The following ABCC5 variants were observed in gnomAD, a reference collection of about 807,000 sequenced individuals.
The protein encoded by ABCC5 is ATP-binding cassette sub-family C member 5.
In ABCC5, 61 loss-of-function variants were observed where a neutral mutation model predicts 160.9. The observed-to-expected ratio is 0.38, with a 90% CI of 0.31 to 0.47. The LOEUF (loss-of-function observed/expected upper bound fraction) is 0.47. ABCC5 is among the 20% of genes least tolerant of loss of function. ABCC5 has a pLI of 0.99. For synonymous variants in ABCC5, 666 were observed against 700.6 expected, an observed-to-expected ratio of 0.95 and a Z score of 0.78; for missense variants, 1,308 against 1,813.3, an observed-to-expected ratio of 0.72 and a Z score of 5.06.
At chr3:183,945,492 C>A (rs1714754029) in intron 24 of ABCC5, among the ~76,000 whole-genome samples, 1 of 152,122 alleles carries the variant, frequency 6.6e-6, no homozygotes, top group African/African-American at 2.4e-5. Flanking sequence ...AGCAGGGGGT[C>A]CTGATGGCCA....
chr3:184,010,993 C>A (rs1240953726), intron 2 of ABCC5, among the ~76,000 whole-genome samples: 2 of 151,968 alleles, frequency 1.3e-5, no homozygotes, highest in South Asian at 4.1e-4. Flanking sequence ...CCACCAGCCT[C>A]GGCCTCCCAA....
intron 17 of ABCC5, among the ~76,000 whole-genome samples, chr3:183,958,505 GGTGT>G (rs1412118501): frequency 6.6e-6 from 1 of 151,764 alleles, no homozygotes; most frequent in East Asian, 1.9e-4. Flanking sequence ...TGTTTTTTGG[GGTGT>G]GTCAATAAGG....
intron 2 of ABCC5, among the ~76,000 whole-genome samples, chr3:183,994,209 G>A (rs1166868536): frequency 2.6e-5 from 4 of 151,984 alleles, no homozygotes; most frequent in African/African-American, 7.3e-5. Flanking sequence ...CTCACTTCTT[G>A]TTTAACTTTT....
Position 183,927,720 on chromosome 3 carries a change from G to A in ABCC5, c.3934-277C>T, listed in dbSNP as rs866205974. The A allele has an allele frequency of 1.8e-4, 181 of 985,326 alleles. No homozygotes were observed. In the Middle Eastern group the frequency reaches 6.3e-3, roughly 34 times the overall value. 61.0% of individuals were successfully genotyped at this position (985,326 alleles called of 1,614,324 possible). On this transcript the variant is annotated intron_variant, in intron 27 of 29. Transcript: ENST00000334444. ...TGTCCCCAAAATCCAGTCACATAGT[G>A]GGCCTTAAGTTTTGGTTCTGAAAAT...
Position 183,928,810 on chromosome 3 carries a change from G to A in ABCC5, c.3870C>T (p.Pro1290=). The change falls in exon 27 of 30, where the codon CCC becomes CCT. Residue 1290 remains proline (P), a synonymous_variant. Coordinates refer to ENST00000334444, the MANE Select transcript of ABCC5 (RefSeq NM_005688.4). ...TCTGGTCTTCAGTGTACTGGTTGAA[G>A]GGGTCCAAATTTGATCTAGGGAGAA... ...FSGTVRSNLD[P]FNQYTEDQIW... 1 of 1,614,060 alleles carries A rather than the reference G, an allele frequency of 6.2e-7. No individual in the cohort carries two copies. Among genetic ancestry groups the A allele is most frequent in the Non-Finnish European group, 8.5e-7 (1 of 1,179,986 alleles).
chr3:183,979,760 G>C (rs1246267110), intron 8 of ABCC5, among the ~76,000 whole-genome samples: 1 of 151,978 alleles, frequency 6.6e-6, no homozygotes, highest in Non-Finnish European at 1.5e-5. Flanking sequence ...TTTATTTTTT[G>C]TAGAGAGGAG....
At chr3:184,009,959 G>A (rs762434538) in intron 2 of ABCC5, 5 of 434,638 alleles carry the variant, frequency 1.2e-5, no homozygotes, top group Non-Finnish European at 2.3e-5. Context: ...CAACAGCCTG[G>A]CCAACAGTGA....
chr3:183,978,303 C>A (rs990892187), intron 9 of ABCC5, among the ~76,000 whole-genome samples, 200 bp downstream of exon 9: 1 of 135,070 alleles, frequency 7.4e-6, no homozygotes, highest in Non-Finnish European at 1.6e-5. Flanking sequence ...AGCATCATCT[C>A]CATATGTGGT....
At chr3:183,944,973 T>C (rs1259249681) in intron 24 of ABCC5, among the ~76,000 whole-genome samples, 2 of 152,298 alleles carry the variant, frequency 1.3e-5, no homozygotes, top group Middle Eastern at 3.4e-3. Context: ...GCTGTTCCCG[T>C]GACAGTGAGT....
At chr3:183,961,342 G>A (rs949802040) in intron 16 of ABCC5, among the ~76,000 whole-genome samples, 169 bp downstream of exon 16, 2 of 152,146 alleles carry the variant, frequency 1.3e-5, no homozygotes, top group Non-Finnish European at 2.9e-5. Flanking sequence ...CTCTCCTAGA[G>A]CAGAATCAGT....
chr3:183,956,039 C>T (rs1715889152), intron 17 of ABCC5, among the ~76,000 whole-genome samples: 2 of 142,282 alleles, frequency 1.4e-5, no homozygotes, highest in South Asian at 4.4e-4. Context: ...TATATCACAT[C>T]AGTTACATGC....
intron 2 of ABCC5, chr3:184,001,226 C>G (rs775845453): frequency 3.7e-6 from 2 of 536,152 alleles, no homozygotes; most frequent in South Asian, 5.7e-5. Flanking sequence ...GCACTACAGT[C>G]TGGGTGACAG....
At chr3:183,969,544 T>G (rs1717542391) in intron 11 of ABCC5, among the ~76,000 whole-genome samples, 1 of 151,772 alleles carries the variant, frequency 6.6e-6, no homozygotes, top group African/African-American at 2.4e-5. Context: ...ATACAAAAAT[T>G]AGCCAGGCAC....
chr3:183,942,610 G>A (rs1334005930), intron 25 of ABCC5, 117 bp downstream of exon 25: 2 of 1,325,832 alleles, frequency 1.5e-6, no homozygotes. Flanking sequence ...TTTCAGTAGG[G>A]GGCTGAGACA....
chr3:183,982,927 G>T lies in ABCC5; in HGVS notation c.672C>A (p.Gly224=). ...ACCGCACGATTTCCGTCAGGAGGAG[G>T]CCCAGCACTAACAACAAGCTGTACT... ...NLQYSLLLVL[G]LLLTEIVRSW... The change falls in exon 6 of 30, where the codon GGC becomes GGA. Residue 224 remains glycine, a synonymous_variant. Transcript: ENST00000334444. This position sits in a 1 kb window ranked among gnomAD's most constrained non-coding sequence, Gnocchi z 5.2. The T allele has an allele frequency of 1.2e-6, 2 of 1,614,210 alleles. No individual in the cohort carries two copies. Among genetic ancestry groups the T allele is most frequent in the African/African-American group, 1.3e-5 (1 of 75,056 alleles).
rs370351348 is a variant in ABCC5 at position 183,938,089 on chromosome 3, G to A, written c.3695-29C>T. 4.4e-6 allele frequency: 7 copies of A among 1,609,056 alleles called. No homozygotes were observed. The African/African-American group carries it at 5.3e-5, about 12-fold the overall frequency. ...ATGAGTCAGAAGACATGCAAGAGAG[G>A]AGCTGTTAGCAAAGTCTGTGAGGAC... is the stretch of plus-strand genomic sequence containing the variant. On this transcript the variant is annotated intron_variant, in intron 25 of 29. Coordinates refer to ENST00000334444, the MANE Select transcript of ABCC5 (RefSeq NM_005688.4).
chr3:184,012,464 AT>A (rs1721837383), intron 2 of ABCC5, among the ~76,000 whole-genome samples: 1 of 152,220 alleles, frequency 6.6e-6, no homozygotes, highest in African/African-American at 2.4e-5. Flanking sequence ...CAGTGATCCC[AT>A]GAGTCAGGTA....
chr3:184,012,241 GTTTT>G (rs56079614), intron 2 of ABCC5, among the ~76,000 whole-genome samples: 1 of 147,032 alleles, frequency 6.8e-6, no homozygotes, highest in South Asian at 2.2e-4. Flanking sequence ...AAATAAAAAG[GTTTT>G]TTTTTTTAAT....
Position 183,982,055 on chromosome 3 carries a change from C to T in ABCC5, c.1000-181G>A, listed in dbSNP as rs374782145. On this transcript the variant is annotated intron_variant, in intron 7 of 29. Coordinates refer to ENST00000334444, the MANE Select transcript of ABCC5 (RefSeq NM_005688.4). The surrounding 1 kb of genome is among the most constrained non-coding windows in gnomAD (Gnocchi z 5.2). ...CCTATTGAATTGTAATAAAACATTA[C>T]TGAATTCTTATCTCTTTATAAGGCA... is the stretch of plus-strand genomic sequence containing the variant. Among the ~76,000 whole-genome samples the T allele has an allele frequency of 6.6e-6, 1 of 152,144 alleles. No individual in the cohort carries two copies. The highest frequency in any genetic ancestry group is 1.9e-4 in the East Asian group (1 of 5,196).
Sources: allele counts gnomAD v4.1 joint callset (sites outside exome capture counted in the v4.1 genomes callset), GRCh38; gene constraint gnomAD v4.1.1; non-coding constraint Gnocchi (gnomAD v3.1); transcripts MANE v1.5; gene names NCBI Gene and HGNC (gene_info 2026-07-23, HGNC 2026-07-21).